The following CDH12 variants were observed in gnomAD, a reference collection of about 807,000 sequenced individuals.
CDH12 encodes the protein cadherin 12.
CDH12 carries 41 observed loss-of-function variants against 74.1 expected under a neutral mutation model. That is an observed-to-expected ratio of 0.55 (90% confidence interval 0.43 to 0.72). CDH12 has a LOEUF of 0.72. Ranked by LOEUF, CDH12 falls within the 30% of genes least tolerant of loss-of-function variation. CDH12 has a pLI of 0.00. For synonymous variants in CDH12, 399 were observed against 355.0 expected (o/e 1.12, Z -1.39); for missense variants, 945 against 977.2 (o/e 0.97, Z 0.44).
chr5:22,434,504 T>A (rs751043629), intron 2 of CDH12, among the ~76,000 whole-genome samples: 1 of 152,130 alleles, frequency 6.6e-6, no homozygotes, highest in Non-Finnish European at 1.5e-5. Flanking sequence ...ATATCCAAAA[T>A]GGAGTTCACC....
In CDH12 at chr5:22,801,654, T is replaced by C. The variant is rs1748524733; in HGVS notation, c.-523+51404A>G. On this transcript the variant is annotated intron_variant, in intron 1 of 14. Coordinates refer to ENST00000382254, the MANE Select transcript of CDH12 (RefSeq NM_004061.5). The stretch of plus-strand genomic sequence containing the variant: ...TGCTTATCATATATATATATATATA[T>C]ATATATATATATATATATATATATA... 1.7e-5 allele frequency among the ~76,000 whole-genome samples: 2 copies of C among 118,138 alleles called. 1 individual carries two copies. Among genetic ancestry groups the C allele is most frequent in the South Asian group, 5.3e-4 (2 of 3,742 alleles). The allele number at this position is 118,138 out of a possible 152,430, so 77.5% of individuals were successfully genotyped here.
At chr5:22,592,384 C>G (rs1215391433) in intron 1 of CDH12, among the ~76,000 whole-genome samples, 2 of 152,104 alleles carry the variant, frequency 1.3e-5, no homozygotes, top group Non-Finnish European at 2.9e-5. Context: ...CTTTCTCTTC[C>G]TGCCAGGGTC....
At chr5:22,259,409 A>G (rs1260839197) in intron 3 of CDH12, among the ~76,000 whole-genome samples, 1 of 152,036 alleles carries the variant, frequency 6.6e-6, no homozygotes, top group African/African-American at 2.4e-5. Flanking sequence ...GAATTATATT[A>G]CTCTTGTTTG....
chr5:22,270,054 T>C (rs1736315333), intron 3 of CDH12, among the ~76,000 whole-genome samples: 1 of 152,176 alleles, frequency 6.6e-6, no homozygotes, highest in African/African-American at 2.4e-5. Context: ...ACTATTTAAA[T>C]AAAGACATCT....
chr5:22,544,469 T>C (rs551029675), intron 1 of CDH12, among the ~76,000 whole-genome samples: 4 of 152,254 alleles, frequency 2.6e-5, no homozygotes, highest in African/African-American at 9.6e-5. Flanking sequence ...AAATAATATG[T>C]ATAATATTAG....
chr5:22,055,610 GC>G (rs1740682920), intron 5 of CDH12, among the ~76,000 whole-genome samples: 1 of 151,852 alleles, frequency 6.6e-6, no homozygotes, highest in South Asian at 2.1e-4. Context: ...TTATTCCCAT[GC>G]TCAGTTATCT....
intron 3 of CDH12, among the ~76,000 whole-genome samples, chr5:22,237,497 A>G (rs996329097): frequency 6.6e-6 from 1 of 152,168 alleles, no homozygotes; most frequent in Non-Finnish European, 1.5e-5. Flanking sequence ...CAAAGGCTCC[A>G]GAGGACTGCC....
chr5:22,257,982 AGTTAAG>A (rs1448311623), intron 3 of CDH12, among the ~76,000 whole-genome samples: 5 of 152,162 alleles, frequency 3.3e-5, no homozygotes, highest in African/African-American at 1.2e-4. Flanking sequence ...TGTTACAGTA[AGTTAAG>A]GTTAATTTAT....
At chr5:21,911,407 T>C (rs7701773) in intron 6 of CDH12, among the ~76,000 whole-genome samples, 99,895 of 151,866 alleles carry the variant, frequency 0.66, 36,798 homozygotes, top group East Asian at 0.93. Context: ...GGCTTTTACT[T>C]AAGGTTTAGT....
intron 2 of CDH12, among the ~76,000 whole-genome samples, chr5:22,463,160 A>G (rs1271168547): frequency 6.6e-6 from 1 of 152,192 alleles, no homozygotes; most frequent in Non-Finnish European, 1.5e-5. Context: ...ACACAAATCT[A>G]ATTAGCAAAA....
At chr5:22,459,234 T>G (rs1745407219) in intron 2 of CDH12, among the ~76,000 whole-genome samples, 1 of 152,076 alleles carries the variant, frequency 6.6e-6, no homozygotes, top group Non-Finnish European at 1.5e-5. Context: ...TTTTCTGAAT[T>G]TCTATATTAA....
rs879353915 is a variant in CDH12, at chr5:21,878,797, GAAAGAAGA to G, written c.527-24015_527-24008del. ...GAAAAGAAAGAAAAAAAGAAAGAAA[GAAAGAAGA>G]AAGAAAGAAAGAAAGAGAAAAGAAA... On this transcript the variant is annotated intron_variant, in intron 6 of 14. Transcript: ENST00000382254. 4.8e-3 allele frequency among the ~76,000 whole-genome samples: 284 copies of G among 58,738 alleles called. 4 individuals carry two copies. The highest frequency in any genetic ancestry group is 0.043 in the Admixed American group (253 of 5,930). 38.5% of individuals were successfully genotyped at this position (58,738 alleles called of 152,430 possible).
intron 4 of CDH12, among the ~76,000 whole-genome samples, chr5:22,180,502 AT>A (rs1026172570): frequency 6.9e-6 from 1 of 144,476 alleles, no homozygotes; most frequent in Non-Finnish European, 1.5e-5. Flanking sequence ...TTTTTTGTTT[AT>A]TTTTTTATTT....
intron 3 of CDH12, among the ~76,000 whole-genome samples, chr5:22,355,720 T>C (rs1740539349): frequency 6.6e-6 from 1 of 152,062 alleles, no homozygotes; most frequent in African/African-American, 2.4e-5. Context: ...ATCTTGACAT[T>C]CTTGGCACCT....
chr5:22,604,453 C>T (rs944397926), intron 1 of CDH12, among the ~76,000 whole-genome samples: 1 of 152,170 alleles, frequency 6.6e-6, no homozygotes, highest in Admixed American at 6.5e-5. Flanking sequence ...GACTGAGGCT[C>T]ACCTTTCTCA....
In CDH12 at chr5:22,388,698, G is replaced by A. The variant is rs1401043607; in HGVS notation, c.-333+16559C>T. Among the ~76,000 whole-genome samples the A allele has an allele frequency of 4.6e-5, 7 of 152,074 alleles. No individual in the cohort carries two copies. The East Asian group carries it at 1.2e-3, about 25-fold the overall frequency. On this transcript the variant is annotated intron_variant, in intron 3 of 14. Transcript: ENST00000382254. ...AATTCTAAAAATTATTAAAATCACA[G>A]CAGCTTTAATTCTATACTGTATATC... is the stretch of plus-strand genomic sequence containing the variant.
In CDH12 at chr5:22,686,170, T is replaced by G. The variant is rs137903757; in HGVS notation, c.-523+166888A>C. On this transcript the variant is annotated intron_variant, in intron 1 of 14. Coordinates refer to ENST00000382254, the MANE Select transcript of CDH12 (RefSeq NM_004061.5). ...AAATGATATGGAATGTCTTTTTATGTGCTTATTGGGCATTTTGGTTTTTTT... is the reference window on the plus strand; with the variant it reads ...AAATGATATGGAATGTCTTTTTATGGGCTTATTGGGCATTTTGGTTTTTTT... Among the ~76,000 whole-genome samples the G allele has an allele frequency of 8.6e-4, 131 of 152,264 alleles. 1 individual carries two copies. Among genetic ancestry groups the G allele is most frequent in the African/African-American group, 2.9e-3 (119 of 41,574 alleles).
At chr5:22,524,572 G>C (rs992356216) in intron 1 of CDH12, among the ~76,000 whole-genome samples, 2 of 152,110 alleles carry the variant, frequency 1.3e-5, no homozygotes, top group African/African-American at 4.8e-5. Flanking sequence ...ACAGCATAAA[G>C]AGACAATTTC....
At chr5:22,318,849 A>G (rs1447493553) in intron 3 of CDH12, among the ~76,000 whole-genome samples, 1 of 152,182 alleles carries the variant, frequency 6.6e-6, no homozygotes, top group East Asian at 1.9e-4. Context: ...GGCTTGTGTA[A>G]CCCGATCATT....
Sources: gnomAD v4.1 joint callset for allele counts (sites outside exome capture counted in the v4.1 genomes callset) on GRCh38, gnomAD v4.1.1 for gene constraint, MANE v1.5 for transcripts, NCBI Gene and HGNC (gene_info 2026-07-23, HGNC 2026-07-21) for gene names.